The following CCDC178 variants were observed in gnomAD, a reference collection of about 807,000 sequenced individuals.
The protein encoded by CCDC178 is coiled-coil domain-containing protein 178.
A neutral mutation model predicts 117.4 loss-of-function variants in CCDC178; 126 were observed. That is an observed-to-expected ratio of 1.07 (90% CI 0.93 to 1.24). CCDC178 has a LOEUF of 1.24. Among genes scored for constraint, CCDC178 ranks in the 50% most tolerant of loss-of-function variants. CCDC178 has a pLI of 0.00. For synonymous variants in CCDC178, 283 were observed against 313.4 expected, an observed-to-expected ratio of 0.90 and a Z score of 1.02; for missense variants, 1,030 against 986.9, an observed-to-expected ratio of 1.04 and a Z score of -0.59.
chr18:32,941,803 A>G (rs79560948), intron 22 of CCDC178, among the ~76,000 whole-genome samples: 2,662 of 152,216 alleles, frequency 0.017, 37 homozygotes, highest in Non-Finnish European at 0.028. Flanking sequence ...CACATACTAC[A>G]TTATGTCTAC....
intron 12 of CCDC178, among the ~76,000 whole-genome samples, chr18:33,269,963 A>G (rs909284046): frequency 2.6e-4 from 39 of 151,968 alleles, no homozygotes; most frequent in African/African-American, 9.4e-4. Flanking sequence ...AATATGTTCA[A>G]GGATCTAAAG....
intron 12 of CCDC178, among the ~76,000 whole-genome samples, chr18:33,277,570 G>C (rs563421576): frequency 1.3e-5 from 2 of 152,192 alleles, no homozygotes; most frequent in East Asian, 3.9e-4. Flanking sequence ...GTTTCAGTTG[G>C]CCTGGGCTCT....
chr18:32,969,928 A>G (rs1385823485), intron 22 of CCDC178, among the ~76,000 whole-genome samples: 1 of 152,054 alleles, frequency 6.6e-6, no homozygotes, highest in Non-Finnish European at 1.5e-5. Context: ...AAATAATGGG[A>G]GGAGAAAGGA....
At chr18:33,426,653 A>G (rs1043552136) in intron 2 of CCDC178, among the ~76,000 whole-genome samples, 2 of 152,084 alleles carry the variant, frequency 1.3e-5, no homozygotes, top group African/African-American at 4.8e-5. Flanking sequence ...ACTTCTCACT[A>G]CAAAACGTAT....
chr18:33,353,931 T>C (rs993885620), intron 7 of CCDC178, among the ~76,000 whole-genome samples: 2 of 152,192 alleles, frequency 1.3e-5, no homozygotes, highest in African/African-American at 4.8e-5. Flanking sequence ...GTCGTTTCAT[T>C]TCAGCCTGAA....
chr18:33,279,102 C>G lies in CCDC178; in HGVS notation c.1177-11805G>C, dbSNP rs536691032. ...TCAACATAGTGTTGGAAGTTCTGGCCAGGGCAATGAGGCAGGAGAAGGAAA... is the reference window on the plus strand; with the variant it reads ...TCAACATAGTGTTGGAAGTTCTGGCGAGGGCAATGAGGCAGGAGAAGGAAA... On this transcript the variant is annotated intron_variant, in intron 12 of 22. Coordinates refer to ENST00000383096, the MANE Select transcript of CCDC178 (RefSeq NM_001105528.4). 4.0e-3 allele frequency among the ~76,000 whole-genome samples: 605 copies of G among 152,076 alleles called. 7 individuals carry two copies. The highest frequency in any genetic ancestry group is 0.014 in the African/African-American group (567 of 41,476).
At chr18:32,971,821 C>G (rs2054931732) in intron 22 of CCDC178, among the ~76,000 whole-genome samples, 1 of 152,160 alleles carries the variant, frequency 6.6e-6, no homozygotes, top group South Asian at 2.1e-4. Context: ...TAAATGTCAT[C>G]ATTTGAGAAG....
chr18:33,338,210 T>A (rs1219277840), intron 9 of CCDC178, among the ~76,000 whole-genome samples: 1 of 152,152 alleles, frequency 6.6e-6, no homozygotes, highest in Non-Finnish European at 1.5e-5. Flanking sequence ...TGATACCACC[T>A]AACTCCTGCA....
chr18:32,991,322 A>G (rs927166431), intron 21 of CCDC178, among the ~76,000 whole-genome samples: 4 of 152,262 alleles, frequency 2.6e-5, no homozygotes, highest in Admixed American at 2.0e-4. Flanking sequence ...TAGGGTGTCA[A>G]ATGCACACTA....
chr18:33,391,029 T>C (rs1278670114), intron 4 of CCDC178, among the ~76,000 whole-genome samples: 1 of 150,886 alleles, frequency 6.6e-6, no homozygotes, highest in Non-Finnish European at 1.5e-5. Context: ...AATAGGAAAT[T>C]GTTCAAAAAA....
At chr18:33,242,166 A>C (rs576344892) in intron 15 of CCDC178, among the ~76,000 whole-genome samples, 20 of 152,050 alleles carry the variant, frequency 1.3e-4, no homozygotes, top group African/African-American at 4.3e-4. Context: ...ACATTGGGAA[A>C]GGACAGTTTA....
intron 21 of CCDC178, among the ~76,000 whole-genome samples, chr18:33,001,798 T>C (rs989302012): frequency 2.0e-5 from 3 of 151,996 alleles, no homozygotes; most frequent in African/African-American, 7.3e-5. Flanking sequence ...GAAACACATT[T>C]CACCTGCAAA....
At chr18:33,023,474 G>T (rs1432265925) in intron 21 of CCDC178, among the ~76,000 whole-genome samples, 1 of 152,100 alleles carries the variant, frequency 6.6e-6, no homozygotes, top group East Asian at 1.9e-4. Context: ...ATAATTTGTG[G>T]GTCAAAGAGG....
rs144862952 is a variant in CCDC178, at chr18:33,429,306, GAGA to G, written c.-23+10653_-23+10655del. ...ACCCCTACACAAACTGAGAGAGAAA[GAGA>G]AGGAGAGAAGGAGACAGGGAGAGAG... On this transcript the variant is annotated intron_variant, in intron 2 of 22. Transcript: ENST00000383096. Among the ~76,000 whole-genome samples the G allele has an allele frequency of 2.5e-3, 384 of 152,188 alleles. 1 individual carries two copies. Among genetic ancestry groups the G allele is most frequent in the African/African-American group, 8.7e-3 (361 of 41,510 alleles).
At chr18:33,091,978 G>A (rs2057474233) in intron 21 of CCDC178, among the ~76,000 whole-genome samples, 1 of 152,104 alleles carries the variant, frequency 6.6e-6, no homozygotes, top group African/African-American at 2.4e-5. Context: ...CGTAAGTATA[G>A]CACTGCTATT....
chr18:33,094,709 T>C (rs1446144956), intron 20 of CCDC178, among the ~76,000 whole-genome samples: 2 of 152,038 alleles, frequency 1.3e-5, no homozygotes, highest in Non-Finnish European at 2.9e-5. Context: ...TCTAAATGCA[T>C]ACATGTTCAA....
At chr18:33,255,587 G>A (rs766230158) in intron 14 of CCDC178, among the ~76,000 whole-genome samples, 2 of 151,946 alleles carry the variant, frequency 1.3e-5, no homozygotes, top group African/African-American at 2.4e-5. Context: ...ATAGAACAAC[G>A]CCCAAAACAG....
chr18:33,353,149 T>G (rs1044192627), intron 7 of CCDC178, among the ~76,000 whole-genome samples: 6 of 152,214 alleles, frequency 3.9e-5, no homozygotes, highest in Non-Finnish European at 8.8e-5. Context: ...CTTTTATCAG[T>G]GTATCAAGTC....
At chr18:33,344,842 CACACACACACACAT>C (rs1222033230) in intron 9 of CCDC178, among the ~76,000 whole-genome samples, 38 of 149,016 alleles carry the variant, frequency 2.6e-4, no homozygotes, top group African/African-American at 8.2e-4. Flanking sequence ...CACACACACA[CACACACACACACAT>C]ATATTTATAA....
Sources: allele counts gnomAD v4.1 joint callset (sites outside exome capture counted in the v4.1 genomes callset), GRCh38; gene constraint gnomAD v4.1.1; transcripts MANE v1.5; gene names NCBI Gene and HGNC (gene_info 2026-07-23, HGNC 2026-07-21).